EPHA8: variants seen among roughly 807,000 people sequenced by gnomAD.
EPHA8 encodes the protein ephrin type-A receptor 8.
In EPHA8, 58 loss-of-function variants were observed where a neutral mutation model predicts 103.6. The ratio of observed to expected loss-of-function variants is 0.56; its 90% CI spans 0.45 to 0.70. The LOEUF is 0.70. EPHA8 is among the 30% of genes least tolerant of loss of function. The pLI is 0.00. For missense variants in EPHA8, 1,304 were observed against 1,395.2 expected (o/e 0.93, Z 1.04); for synonymous variants, 559 against 572.5 (o/e 0.98, Z 0.34).
rs144173588 is a variant in EPHA8 at position 22,596,568 on chromosome 1, A to C, written c.1765+395A>C. On this transcript the variant is annotated intron_variant, in intron 9 of 16. Coordinates refer to ENST00000166244, the MANE Select transcript of EPHA8 (RefSeq NM_020526.5). ...TCCTGTGCCCGTGGCAGACAGCATCAAGCATGGTGCTGATTCCCACCAGGC... is the reference window on the plus strand; with the variant it reads ...TCCTGTGCCCGTGGCAGACAGCATCCAGCATGGTGCTGATTCCCACCAGGC... Among the ~76,000 whole-genome samples, 21 of 152,348 alleles carry C rather than the reference A, an allele frequency of 1.4e-4. 1 individual carries two copies. The East Asian group carries it at 4.0e-3, about 29-fold the overall frequency.
At chr1:22,570,891 C>T (rs967708063) in intron 2 of EPHA8, among the ~76,000 whole-genome samples, 2 of 152,254 alleles carry the variant, frequency 1.3e-5, no homozygotes, top group Non-Finnish European at 2.9e-5. Flanking sequence ...GTCTTCCCCG[C>T]GTGAGCGTGG....
intron 3 of EPHA8, among the ~76,000 whole-genome samples, chr1:22,579,363 A>ATGAGTGTATGTATGCGTGTGTG (rs1640973560): frequency 8.2e-6 from 1 of 122,448 alleles, no homozygotes; most frequent in African/African-American, 4.8e-5. Flanking sequence ...GCGTGTGTGT[A>ATGAGTGTATGTATGCGTGTGTG]TGTGTGCATG....
chr1:22,575,424 T>C (rs896834982), intron 2 of EPHA8, among the ~76,000 whole-genome samples: 1 of 152,252 alleles, frequency 6.6e-6, no homozygotes, highest in Non-Finnish European at 1.5e-5. Context: ...TTGCCCATTT[T>C]CTAATTGGAC....
intron 1 of EPHA8, among the ~76,000 whole-genome samples, chr1:22,566,454 C>G (rs770436545): frequency 2.0e-5 from 3 of 152,224 alleles, no homozygotes; most frequent in Non-Finnish European, 2.9e-5. Flanking sequence ...TAGGAGTTAT[C>G]TGTGCTTCCC....
At chr1:22,599,696 G>GA (rs368995572) in intron 13 of EPHA8, among the ~76,000 whole-genome samples, 44 of 30,992 alleles carry the variant, frequency 1.4e-3, no homozygotes, top group African/African-American at 9.5e-3. Flanking sequence ...GGAAAGGAGG[G>GA]AGGGAGGAAG....
chr1:22,569,457 A>G lies in EPHA8; in HGVS notation c.159+104A>G. On this transcript the variant is annotated intron_variant, in intron 2 of 16. Transcript: ENST00000166244. This position sits in a 1 kb window ranked among gnomAD's most constrained non-coding sequence, Gnocchi z 4.5. Reference sequence around the variant, plus strand: ...AGATCAAAAGGAAGCAGAGGCCCAGAGAGGTCAAGGGACTTACCCAAGGGC... The same window carrying G: ...AGATCAAAAGGAAGCAGAGGCCCAGGGAGGTCAAGGGACTTACCCAAGGGC... 7.6e-7 allele frequency: 1 copy of G among 1,309,712 alleles called. No homozygotes were observed. Among genetic ancestry groups the G allele is most frequent in the Non-Finnish European group, 1.0e-6 (1 of 955,482 alleles). The allele number at this position is 1,309,712 out of a possible 1,614,324, so 81.1% of individuals were successfully genotyped here.
At chr1:22,588,351 C>T (rs1015496035) in intron 4 of EPHA8, among the ~76,000 whole-genome samples, 1 of 152,152 alleles carries the variant, frequency 6.6e-6, no homozygotes, top group African/African-American at 2.4e-5. Flanking sequence ...CAGAGGCTCC[C>T]ATGCCCGGGG....
intron 9 of EPHA8, 92 bp downstream of exon 9, chr1:22,596,265 G>A (rs1335848675): frequency 2.3e-6 from 3 of 1,302,246 alleles, no homozygotes; most frequent in South Asian, 2.6e-5. Flanking sequence ...GAAGGAGGAA[G>A]GTGCCCAGTG....
At chr1:22,596,307 G>A (rs209690) in intron 9 of EPHA8, 134 bp downstream of exon 9, 98,383 of 849,566 alleles carry the variant, frequency 0.12, 6,456 homozygotes, top group South Asian at 0.2. Flanking sequence ...CAGATTCCAG[G>A]GTGTCACAGA....
rs1641721848 is a variant in EPHA8, at chr1:22,601,346, G to T, written c.2776G>T (p.Gly926Cys). 1 of 1,608,652 alleles carries T rather than the reference G, an allele frequency of 6.2e-7. No individual in the cohort carries two copies. Among genetic ancestry groups the T allele is most frequent in the Non-Finnish European group, 8.5e-7 (1 of 1,178,722 alleles). ...CCGGAGCTGCTTTGACCTCCGAGGG[G>T]GCAGCGGTGGCGGTGGGGGCCTCAC... The part of the protein sequence containing the change: ...FVRSCFDLRG[G>C]SGGGGGLTVG... Residue 926 changes from glycine to cysteine, a missense_variant, in exon 16 of 17, where the codon GGC becomes TGC. Gly to Cys is a radical substitution (Grantham distance 159). Transcript: ENST00000166244.
intron 2 of EPHA8, among the ~76,000 whole-genome samples, chr1:22,571,511 G>A (rs1232902532): frequency 5.9e-5 from 9 of 152,188 alleles, no homozygotes; most frequent in Non-Finnish European, 1.2e-4. Flanking sequence ...TGCAGGCAGC[G>A]AGGCCTACTC....
intron 3 of EPHA8, among the ~76,000 whole-genome samples, chr1:22,585,316 C>G (rs1456488805): frequency 6.6e-6 from 1 of 152,128 alleles, no homozygotes; most frequent in Non-Finnish European, 1.5e-5. Context: ...GTTTCATTGT[C>G]TAAGCCCTGG....
At chr1:22,577,183 A>G in intron 3 of EPHA8, among the ~76,000 whole-genome samples, 1 of 152,162 alleles carries the variant, frequency 6.6e-6, no homozygotes, top group East Asian at 1.9e-4. Context: ...TGGGTATGCT[A>G]TGGGATTCCT....
chr1:22,595,330 G>T lies in EPHA8; in HGVS notation c.1697+7G>T. 6.2e-7 allele frequency: 1 copy of T among 1,609,858 alleles called. No individual in the cohort carries two copies. The highest frequency in any genetic ancestry group is 8.5e-7 in the Non-Finnish European group (1 of 1,178,476). ...TGCTCATCTGCAAGAAGAGGTGGGT[G>T]GTCTGGCCCAGCCACACCCAGCCCC... On this transcript the variant is annotated splice_region_variant and intron_variant, in intron 8 of 16. Transcript: ENST00000166244.
At chr1:22,578,920 C>T (rs1051605772) in intron 3 of EPHA8, among the ~76,000 whole-genome samples, 11 of 131,832 alleles carry the variant, frequency 8.3e-5, no homozygotes, top group Admixed American at 2.2e-4. Context: ...TATGCATGTG[C>T]GTTTATGTGT....
Position 22,589,584 on chromosome 1 carries a change from C to G in EPHA8, c.1315+378C>G. 1 of 1,305,874 alleles carries G rather than the reference C, an allele frequency of 7.7e-7. No individual in the cohort carries two copies. 80.9% of individuals were successfully genotyped at this position (1,305,874 alleles called of 1,614,324 possible). ...AAATTGCTTAGCCCAGCACCTGGCC[C>G]GTGGTAAATGCTCAATAAATGTCAT... On this transcript the variant is annotated intron_variant, in intron 5 of 16. Transcript: ENST00000166244. The surrounding 1 kb of genome is among the most constrained non-coding windows in gnomAD (Gnocchi z 4.3).
chr1:22,599,413 CCT>C (rs1641615233), intron 13 of EPHA8, among the ~76,000 whole-genome samples: 1 of 152,054 alleles, frequency 6.6e-6, no homozygotes, highest in Admixed American at 6.5e-5. Flanking sequence ...GGGATTTGGA[CCT>C]CTCTAGAGGT....
intron 5 of EPHA8, among the ~76,000 whole-genome samples, chr1:22,591,369 CA>C (rs1427846886): frequency 2.6e-5 from 4 of 151,158 alleles, no homozygotes; most frequent in Non-Finnish European, 5.9e-5. Context: ...ACCAAGGGCA[CA>C]CACCACCATG....
chr1:22,598,571 G>A lies in EPHA8; in HGVS notation c.2179-267G>A, dbSNP rs556134541. 6.6e-6 allele frequency among the ~76,000 whole-genome samples: 1 copy of A among 152,226 alleles called. No homozygotes were observed. The highest frequency in any genetic ancestry group is 1.9e-4 in the East Asian group (1 of 5,142). Reference sequence around the variant, plus strand: ...TTTGCTGGGTGCTCTTAGGCACAGAGCTTAACCTCTCTGGGCCTCCATCTC... The same window carrying A: ...TTTGCTGGGTGCTCTTAGGCACAGAACTTAACCTCTCTGGGCCTCCATCTC... On this transcript the variant is annotated intron_variant, in intron 12 of 16. Coordinates refer to ENST00000166244, the MANE Select transcript of EPHA8 (RefSeq NM_020526.5). This position sits in a 1 kb window ranked among gnomAD's most constrained non-coding sequence, Gnocchi z 5.1.
Sources: allele counts gnomAD v4.1 joint callset (sites outside exome capture counted in the v4.1 genomes callset), GRCh38; gene constraint gnomAD v4.1.1; non-coding constraint Gnocchi (gnomAD v3.1); transcripts MANE v1.5; gene names NCBI Gene and HGNC (gene_info 2026-07-23, HGNC 2026-07-21).